Variants in ADGRD2 observed in about 807,000 individuals in gnomAD.
ADGRD2 encodes the protein G protein-coupled receptor PGR24.
ADGRD2 carries 71 observed loss-of-function variants against 44.4 expected under a neutral mutation model. That is an observed-to-expected ratio of 1.60 (90% CI 1.32 to 1.95). ADGRD2 has a LOEUF of 1.95. ADGRD2 is among the 30% of genes most tolerant of loss of function. The probability of loss-of-function intolerance (pLI) is 0.00; values close to 1 mark genes in which losing one functional copy is unlikely to be tolerated. For synonymous variants in ADGRD2, 481 were observed against 224.8 expected, an observed-to-expected ratio of 2.14 and a Z score of -10.19; for missense variants, 1,039 against 512.4, an observed-to-expected ratio of 2.03 and a Z score of -9.92.
At chr9:124,466,206 C>A in intron 10 of ADGRD2, 52 bp from the exon 14 acceptor site, 1 of 547,878 alleles carries the variant, frequency 1.8e-6, no homozygotes, top group Non-Finnish European at 3.4e-6. Context: ...TGGGGAAAGC[C>A]TTTCCCCTGC....
rs1409214330 is a variant in ADGRD2, at chr9:124,452,483, C to T, written c.69-27C>T. 7.0e-6 allele frequency: 5 copies of T among 718,308 alleles called. No homozygotes were observed. The East Asian group carries it at 8.0e-5, about 12-fold the overall frequency. 44.5% of individuals were successfully genotyped at this position (718,308 alleles called of 1,614,324 possible). A position where few individuals can be genotyped will look rare whatever the true frequency, so the allele number is the denominator to read the frequency against. ...GAGTCAGATGCCCACAAAATGCACCCCCCACCGTCTCTCTTATCGTTTTTA... is the reference window on the plus strand; with the variant it reads ...GAGTCAGATGCCCACAAAATGCACCTCCCACCGTCTCTCTTATCGTTTTTA... On this transcript the variant is annotated intron_variant, in intron 1 of 21. Coordinates refer to ENST00000334810, the Ensembl canonical transcript of ADGRD2.
rs1177416198 is a variant in ADGRD2, at chr9:124,460,089, C to G, written c.1870+1368C>G. Among the ~76,000 whole-genome samples the G allele has an allele frequency of 6.2e-4, 12 of 19,284 alleles. No individual in the cohort carries two copies. In the South Asian group the frequency reaches 0.022, roughly 35 times the overall value. The allele number at this position is 19,284 out of a possible 152,430, so 12.7% of individuals were successfully genotyped here. On this transcript the variant is annotated intron_variant, in intron 10 of 21. Coordinates refer to ENST00000334810, the Ensembl canonical transcript of ADGRD2. Reference sequence around the variant, plus strand: ...TGCTCACAACCAGTAATCTTGGACACACACACACACACACACACACACCAA... The same window carrying G: ...TGCTCACAACCAGTAATCTTGGACAGACACACACACACACACACACACCAA...
chr9:124,463,636 G>C (rs998765110), intron 10 of ADGRD2, among the ~76,000 whole-genome samples: 49 of 152,066 alleles, frequency 3.2e-4, no homozygotes, highest in African/African-American at 1.2e-3. Context: ...TAGGTTATTT[G>C]GGTGTTTTAT....
chr9:124,464,501 T>C (rs911766655), intron 10 of ADGRD2, among the ~76,000 whole-genome samples: 1 of 152,154 alleles, frequency 6.6e-6, no homozygotes, highest in Non-Finnish European at 1.5e-5. Flanking sequence ...TAGGTTGCTA[T>C]GAAGATCAGC....
At chr9:124,475,841 C>G (rs990250023) in intron 19 of ADGRD2, among the ~76,000 whole-genome samples, 1 of 152,150 alleles carries the variant, frequency 6.6e-6, no homozygotes, top group Non-Finnish European at 1.5e-5. Context: ...GGAGTGCCGC[C>G]CAGTGCCTCA....
chr9:124,453,041 G>A (rs763128243), exon 3 of ADGRD2: 9 of 663,524 alleles, frequency 1.4e-5, no homozygotes, highest in African/African-American at 7.1e-5. Flanking sequence ...GCAGGTGCGC[G>A]CACCACCGCC....
intron 10 of ADGRD2, among the ~76,000 whole-genome samples, chr9:124,463,416 G>A (rs1028607727): frequency 2.6e-5 from 4 of 152,126 alleles, no homozygotes; most frequent in African/African-American, 9.7e-5. Context: ...TTATGTTTAT[G>A]TTCATGAATA....
intron 21 of ADGRD2, among the ~76,000 whole-genome samples, chr9:124,477,759 C>G (rs1037959549): frequency 3.9e-5 from 6 of 152,132 alleles, no homozygotes; most frequent in African/African-American, 1.4e-4. Flanking sequence ...GAGGCGCCCC[C>G]CACAGGCCCG....
chr9:124,453,014 G>A (rs1443433062), intron 2 of ADGRD2, 21 bp from the exon 6 acceptor site: 2 of 636,402 alleles, frequency 3.1e-6, no homozygotes, highest in Admixed American at 2.4e-5. Context: ...AACTGAGGTC[G>A]CAGCCCACGT....
chr9:124,450,528 G>T (rs911457200), upstream of ADGRD2, among the ~76,000 whole-genome samples: 1 of 152,258 alleles, frequency 6.6e-6, no homozygotes, highest in Non-Finnish European at 1.5e-5. Flanking sequence ...ACTGGAGCTG[G>T]GAACAGGGGA....
chr9:124,458,906 A>G (rs982213189), intron 10 of ADGRD2, among the ~76,000 whole-genome samples, 185 bp downstream of exon 13: 1 of 152,238 alleles, frequency 6.6e-6, no homozygotes, highest in Non-Finnish European at 1.5e-5. Flanking sequence ...GGGTCACCTT[A>G]TGGCAGGTGC....
At chr9:124,473,432 A>G (rs1256366065) in intron 17 of ADGRD2, among the ~76,000 whole-genome samples, 1 of 152,208 alleles carries the variant, frequency 6.6e-6, no homozygotes, top group East Asian at 1.9e-4. Flanking sequence ...CGTCTAACCA[A>G]AGGGGATCAG....
At chr9:124,459,034 G>C (rs952176291) in intron 10 of ADGRD2, among the ~76,000 whole-genome samples, 2 of 152,216 alleles carry the variant, frequency 1.3e-5, no homozygotes, top group African/African-American at 4.8e-5. Context: ...TTCTACGTCT[G>C]CATAACTTGA....
intron 19 of ADGRD2, 24 bp downstream of exon 22, chr9:124,475,639 G>A (rs1464869589): frequency 1.6e-6 from 1 of 635,398 alleles, no homozygotes; most frequent in Non-Finnish European, 2.9e-6. Context: ...TGGGGGTGTG[G>A]GTGGGGGCGG....
intron 20 of ADGRD2, 44 bp downstream of exon 23, chr9:124,476,459 G>A: frequency 2.9e-6 from 2 of 685,602 alleles, no homozygotes; most frequent in Admixed American, 2.1e-5. Context: ...CTGCCAGGGG[G>A]CTGGCAAAGC....
chr9:124,454,833 C>G lies in ADGRD2; in HGVS notation c.1109-10C>G, dbSNP rs1240367264. 2 of 683,680 alleles carry G rather than the reference C, an allele frequency of 2.9e-6. No homozygotes were observed. The highest frequency in any genetic ancestry group is 2.7e-6 in the Non-Finnish European group (1 of 370,718). 42.4% of individuals were successfully genotyped at this position (683,680 alleles called of 1,614,324 possible). A position where few individuals can be genotyped will look rare whatever the true frequency, so the allele number is the denominator to read the frequency against. ...ACCAGACCCAGAGTCAGTGGCTCCT[C>G]TGTCCACAGCTCCTCCCGGACCCCC... On this transcript the variant is annotated splice_polypyrimidine_tract_variant and intron_variant, in intron 5 of 21. Transcript: ENST00000334810. This position sits in a 1 kb window ranked among gnomAD's most constrained non-coding sequence, Gnocchi z 4.5.
rs1831497443 is a variant in ADGRD2, at chr9:124,452,424, A to G, written c.69-86A>G. The G allele has an allele frequency of 5.6e-6, 4 of 711,826 alleles. No homozygotes were observed. The South Asian group carries it at 6.0e-5, about 11-fold the overall frequency. 44.1% of individuals were successfully genotyped at this position (711,826 alleles called of 1,614,324 possible). A position where few individuals can be genotyped will look rare whatever the true frequency, so the allele number is the denominator to read the frequency against. On this transcript the variant is annotated intron_variant, in intron 1 of 21. Coordinates refer to ENST00000334810, the Ensembl canonical transcript of ADGRD2. ...GCCCCATCCAGCCCGAATGACTCCAAGCCCAGTGTCCTTGGCTCCGCCCAG... is the reference window on the plus strand; with the variant it reads ...GCCCCATCCAGCCCGAATGACTCCAGGCCCAGTGTCCTTGGCTCCGCCCAG...
In ADGRD2 at chr9:124,452,788, G is replaced by A. The variant is rs912124400; in HGVS notation, c.281+66G>A. 1.0e-5 allele frequency: 7 copies of A among 670,760 alleles called. No individual in the cohort carries two copies. The East Asian group carries it at 1.9e-4, about 18-fold the overall frequency. The allele number at this position is 670,760 out of a possible 1,614,324, so 41.6% of individuals were successfully genotyped here. On this transcript the variant is annotated intron_variant, in intron 2 of 21. Coordinates refer to ENST00000334810, the Ensembl canonical transcript of ADGRD2. ...GCTCTGGTGACCTTCAGATATAGGA[G>A]CCCACAGTGACAATATTTGCAGAAT...
intron 2 of ADGRD2, 145 bp from the exon 6 acceptor site, chr9:124,452,889 AG>A (rs1225626818): frequency 8.3e-6 from 5 of 603,990 alleles, no homozygotes; most frequent in East Asian, 8.2e-5. Flanking sequence ...ACTCTTGGGC[AG>A]GGGAACTCTA....
Sources: allele counts gnomAD v4.1 joint callset (sites outside exome capture counted in the v4.1 genomes callset), GRCh38; gene constraint gnomAD v4.1.1; non-coding constraint Gnocchi (gnomAD v3.1); transcripts MANE v1.5; gene names NCBI Gene and HGNC (gene_info 2026-07-23, HGNC 2026-07-21).